Variants in ASMT observed in about 807,000 individuals in gnomAD.
ASMT encodes acetylserotonin N-methyltransferase.
In ASMT, 53 loss-of-function variants were observed where a neutral mutation model predicts 41.3. The observed-to-expected ratio is 1.28, with a 90% CI of 1.03 to 1.61. The LOEUF (loss-of-function observed/expected upper bound fraction) is 1.61. ASMT is among the 40% of genes most tolerant of loss of function. The probability of loss-of-function intolerance (pLI) is 0.00; values close to 1 mark genes in which losing one functional copy is unlikely to be tolerated. For synonymous variants in ASMT, 231 were observed against 184.8 expected, an observed-to-expected ratio of 1.25 and a Z score of -2.03; for missense variants, 531 against 441.3, an observed-to-expected ratio of 1.20 and a Z score of -1.82.
chrX:1,620,678 A>C (rs1455184892), intron 1 of ASMT, among the ~76,000 whole-genome samples: 2 of 152,186 alleles, frequency 1.3e-5, no homozygotes, highest in Admixed American at 6.6e-5. Flanking sequence ...AGGCAGGCAG[A>C]TCACGAGGTC....
rs189826682 is a variant in ASMT at position 1,632,163 on chromosome X, G to C, written c.563-541G>C. 2.2e-3 allele frequency among the ~76,000 whole-genome samples: 337 copies of C among 152,222 alleles called. 1 individual carries two copies. The highest frequency in any genetic ancestry group is 4.0e-3 in the Non-Finnish European group (274 of 68,010). ...CACGACTTACCGGGGCCTCTGAATGGGGCTTGTTATTACATCCTTCTCTTA... is the reference window on the plus strand; with the variant it reads ...CACGACTTACCGGGGCCTCTGAATGCGGCTTGTTATTACATCCTTCTCTTA... On this transcript the variant is annotated intron_variant, in intron 5 of 8. Coordinates refer to ENST00000381241, the MANE Select transcript of ASMT (RefSeq NM_001171038.2).
At chrX:1,622,884 C>A (rs1309642414) in intron 1 of ASMT, among the ~76,000 whole-genome samples, 7 of 151,070 alleles carry the variant, frequency 4.6e-5, no homozygotes, top group African/African-American at 1.7e-4. Context: ...TGCCCTCCAG[C>A]CTGGGTGATA....
At chrX:1,622,173 G>A (rs1420893390) in intron 1 of ASMT, among the ~76,000 whole-genome samples, 1 of 151,462 alleles carries the variant, frequency 6.6e-6, no homozygotes, top group Non-Finnish European at 1.5e-5. Flanking sequence ...TGTATTTTTA[G>A]TAGAGACGGA....
chrX:1,636,984 G>A lies in ASMT; in HGVS notation c.910+424G>A, dbSNP rs1203250235. ...CATCCTGATGGCACATGAGGATGTG[G>A]GCACAGCCTCTGTGTGTGATGGGGA... is the stretch of plus-strand genomic sequence containing the variant. On this transcript the variant is annotated intron_variant, in intron 8 of 8. Transcript: ENST00000381241. 4.8e-4 allele frequency among the ~76,000 whole-genome samples: 36 copies of A among 74,714 alleles called. 3 individuals are homozygous for A. The highest frequency in any genetic ancestry group is 3.3e-3 in the South Asian group (8 of 2,430). The allele number at this position is 74,714 out of a possible 152,430, so 49.0% of individuals were successfully genotyped here.
chrX:1,626,526 G>A lies in ASMT; in HGVS notation c.375-1177G>A, dbSNP rs181580794. Among the ~76,000 whole-genome samples, 4 of 152,098 alleles carry A rather than the reference G, an allele frequency of 2.6e-5. No homozygotes were observed. In the East Asian group the frequency reaches 5.8e-4, roughly 22 times the overall value. ...TAGGATTATAGGTGTGAGCCACCAC[G>A]CCCAGCCTTTGATTTTCTTCTTTAT... On this transcript the variant is annotated intron_variant, in intron 3 of 8. Transcript: ENST00000381241.
intron 1 of ASMT, 149 bp downstream of exon 1, chrX:1,615,417 C>T: frequency 2.4e-6 from 2 of 839,002 alleles, no homozygotes; most frequent in Non-Finnish European, 2.0e-6. Context: ...ACGATGTAGC[C>T]TCAGGAGTTC....
In ASMT at chrX:1,619,265, G is replaced by A. The variant is rs1358264995; in HGVS notation, c.70-3874G>A. Among the ~76,000 whole-genome samples, 9 of 151,458 alleles carry A rather than the reference G, an allele frequency of 5.9e-5. No individual in the cohort carries two copies. The South Asian group carries it at 8.4e-4, about 14-fold the overall frequency. ...AAAAATTACCTGGGCGTGGTGGCGG[G>A]CACCTGTAGTACCAGCTACTTGGGA... On this transcript the variant is annotated intron_variant, in intron 1 of 8. Transcript: ENST00000381241.
intron 5 of ASMT, among the ~76,000 whole-genome samples, 195 bp from the exon 6 acceptor site, chrX:1,632,509 G>T (rs1254877396): frequency 5.9e-5 from 9 of 152,076 alleles, no homozygotes; most frequent in African/African-American, 1.9e-4. Context: ...AAAAAAATTA[G>T]CTGGGCGTGG....
intron 3 of ASMT, 116 bp downstream of exon 3, chrX:1,624,514 T>G: frequency 7.2e-7 from 1 of 1,397,166 alleles, no homozygotes; most frequent in African/African-American, 1.7e-5. Flanking sequence ...CCCAGGCAGA[T>G]GCTGGGAGGT....
At chrX:1,628,037 C>G (rs112830816) in intron 4 of ASMT, 3 of 542,648 alleles carry the variant, frequency 5.5e-6, no homozygotes, top group Non-Finnish European at 9.9e-6. Context: ...AATGGAGGCA[C>G]GCGCCGGGCG....
intron 1 of ASMT, among the ~76,000 whole-genome samples, chrX:1,617,375 C>T (rs1466620825): frequency 2.7e-5 from 4 of 149,234 alleles, no homozygotes; most frequent in Non-Finnish European, 4.5e-5. Flanking sequence ...GAGGCTGAGG[C>T]AGGAGAATTG....
At chrX:1,619,644 A>C (rs1402206768) in intron 1 of ASMT, among the ~76,000 whole-genome samples, 2 of 150,338 alleles carry the variant, frequency 1.3e-5, no homozygotes, top group Non-Finnish European at 3.0e-5. Flanking sequence ...CCCTTAACAG[A>C]AACAGTTAAT....
In ASMT at chrX:1,623,125, GC is replaced by G. The variant is rs1934394507; in HGVS notation, c.70-13del. Reference sequence around the variant, plus strand: ...GGCTGAGCCCTGACCTTTTATTTCCGCTCCTGCTCCAAGGTTCTCTTCGCCG... The same window carrying G: ...GGCTGAGCCCTGACCTTTTATTTCCGTCCTGCTCCAAGGTTCTCTTCGCCG... On this transcript the variant is annotated splice_polypyrimidine_tract_variant and intron_variant, in intron 1 of 8. Transcript: ENST00000381241. 1 of 1,612,054 alleles carries G rather than the reference GC, an allele frequency of 6.2e-7. No individual in the cohort carries two copies. The highest frequency in any genetic ancestry group is 2.2e-5 in the East Asian group (1 of 44,856).
chrX:1,640,579 C>G, intron 8 of ASMT, among the ~76,000 whole-genome samples: 1 of 44,294 alleles, frequency 2.3e-5, no homozygotes, highest in South Asian at 9.5e-4. Flanking sequence ...TCCATCCATC[C>G]TGATGGCACA....
rs749013404 is a variant in ASMT at position 1,623,209 on chromosome X, C to T, written c.140C>T (p.Ala47Val). 47 of 1,613,330 alleles carry T rather than the reference C, an allele frequency of 2.9e-5. No homozygotes were observed. Among genetic ancestry groups the T allele is most frequent in the Admixed American group, 5.0e-5 (3 of 59,952 alleles). The change falls in exon 2 of 9, where the codon GCG becomes GTG. Residue 47 changes from alanine to valine, a missense_variant. Ala to Val is a moderately conservative substitution (Grantham distance 64, BLOSUM62 0). Coordinates refer to ENST00000381241, the MANE Select transcript of ASMT (RefSeq NM_001171038.2). Reference sequence around the variant, plus strand: ...GAGGCCCCAGGGCCCCTGGACGTGGCGGCAGTGGCTGCAGGTGTGAGGGCC... The same window carrying T: ...GAGGCCCCAGGGCCCCTGGACGTGGTGGCAGTGGCTGCAGGTGTGAGGGCC... ...LAEAPGPLDV[A>V]AVAAGVRASA...
At chrX:1,616,767 G>A (rs1934134078) in intron 1 of ASMT, among the ~76,000 whole-genome samples, 1 of 148,876 alleles carries the variant, frequency 6.7e-6, no homozygotes, top group Non-Finnish European at 1.5e-5. Flanking sequence ...GGAGTGCAAT[G>A]GCACGATCTC....
intron 3 of ASMT, among the ~76,000 whole-genome samples, chrX:1,625,492 C>T (rs190422714): frequency 0.011 from 1,280 of 121,306 alleles, 20 homozygotes; most frequent in African/African-American, 0.038. Flanking sequence ...AAAACTCTGT[C>T]TCAGAAAGAA....
chrX:1,623,246 G>A lies in ASMT; in HGVS notation c.177G>A (p.Gly59=), dbSNP rs750578461. Residue 59 remains glycine, a synonymous_variant, in exon 2 of 9, where the codon GGG becomes GGA. Coordinates refer to ENST00000381241, the MANE Select transcript of ASMT (RefSeq NM_001171038.2). ...CAGGTGTGAGGGCCAGCGCCCATGG[G>A]ACAGAGCTCCTGCTGGACATCTGTG... is the stretch of plus-strand genomic sequence containing the variant. The part of the protein sequence containing the change: ...VAAGVRASAH[G]TELLLDICVS... 1.2e-6 allele frequency: 2 copies of A among 1,613,898 alleles called. No individual in the cohort carries two copies. The highest frequency in any genetic ancestry group is 3.3e-5 in the Admixed American group (2 of 60,002).
At chrX:1,642,759 C>A (rs1935238802) in intron 8 of ASMT, 44 bp from the exon 9 acceptor site, 1 of 1,569,036 alleles carries the variant, frequency 6.4e-7, no homozygotes, top group Non-Finnish European at 8.8e-7. Context: ...CACAGTCTGT[C>A]TGTGTGTTTG....
Sources: gnomAD v4.1 joint callset for allele counts (sites outside exome capture counted in the v4.1 genomes callset) on GRCh38, gnomAD v4.1.1 for gene constraint, MANE v1.5 for transcripts, NCBI Gene and HGNC (gene_info 2026-07-23, HGNC 2026-07-21) for gene names.